Variants in ZNRF2 observed in about 807,000 individuals in gnomAD.
ZNRF2 encodes zinc and ring finger 2, also known as E3 ubiquitin-protein ligase ZNRF2.
A neutral mutation model predicts 20.4 loss-of-function variants in ZNRF2; 16 were observed. The ratio of observed to expected loss-of-function variants is 0.79; its 90% CI spans 0.53 to 1.19. The LOEUF (loss-of-function observed/expected upper bound fraction) is 1.19. Among genes scored for constraint, ZNRF2 ranks in the 50% most tolerant of loss-of-function variants. ZNRF2 has a pLI of 0.00. For missense variants in ZNRF2, 363 were observed against 332.4 expected (o/e 1.09, Z -0.72); for synonymous variants, 178 against 144.9 (o/e 1.23, Z -1.64).
At chr7:30,343,041 A>G (rs759176763) in intron 2 of ZNRF2, among the ~76,000 whole-genome samples, 1 of 152,086 alleles carries the variant, frequency 6.6e-6, no homozygotes, top group Non-Finnish European at 1.5e-5. Context: ...TTTCCTATTC[A>G]TGTGTAATTT....
Position 30,284,966 on chromosome 7 carries a change from C to CGGTGCCGAGATCGGG in ZNRF2, c.-389_-375dup, listed in dbSNP as rs1798744768. 3.2e-6 allele frequency: 1 copy of CGGTGCCGAGATCGGG among 311,146 alleles called. No individual in the cohort carries two copies. The highest frequency in any genetic ancestry group is 6.4e-6 in the Non-Finnish European group (1 of 156,074). The allele number at this position is 311,146 out of a possible 1,614,324, so 19.3% of individuals were successfully genotyped here. A position where few individuals can be genotyped will look rare whatever the true frequency, so the allele number is the denominator to read the frequency against. On this transcript the variant is annotated 5_prime_UTR_variant, in exon 1 of 5. Coordinates refer to ENST00000323037, the MANE Select transcript of ZNRF2 (RefSeq NM_147128.4). The stretch of plus-strand genomic sequence containing the variant: ...GTAGCAGCGGCCGCCCGAGAGGAGG[C>CGGTGCCGAGATCGGG]GGTGCCGAGATCGGGGGCGCCGAGC...
intron 1 of ZNRF2, among the ~76,000 whole-genome samples, chr7:30,321,848 T>C (rs966742456): frequency 1.3e-5 from 2 of 152,202 alleles, no homozygotes; most frequent in African/African-American, 4.8e-5. Context: ...GTATTCGATG[T>C]AGCCTGTGTT....
At chr7:30,309,842 A>G (rs751270856) in intron 1 of ZNRF2, among the ~76,000 whole-genome samples, 12 of 152,226 alleles carry the variant, frequency 7.9e-5, no homozygotes, top group Admixed American at 2.6e-4. Flanking sequence ...AATTTATTAA[A>G]AATTTGTAAA....
intron 2 of ZNRF2, among the ~76,000 whole-genome samples, chr7:30,337,583 G>A (rs1164164979): frequency 6.6e-6 from 1 of 151,996 alleles, no homozygotes; most frequent in African/African-American, 2.4e-5. Context: ...TCTTTTCTCT[G>A]GAGTTGACAT....
At chr7:30,364,621 C>T (rs930222643) in intron 4 of ZNRF2, among the ~76,000 whole-genome samples, 4 of 152,032 alleles carry the variant, frequency 2.6e-5, no homozygotes, top group Non-Finnish European at 5.9e-5. Context: ...TTCATTGTCA[C>T]CTTATGTTTG....
chr7:30,343,197 C>T (rs754440978), intron 2 of ZNRF2, among the ~76,000 whole-genome samples: 4 of 151,926 alleles, frequency 2.6e-5, no homozygotes, highest in African/African-American at 4.8e-5. Flanking sequence ...TGCCAATAGT[C>T]GCAGCTACTG....
intron 1 of ZNRF2, among the ~76,000 whole-genome samples, chr7:30,297,825 G>T (rs2391849): frequency 2.7e-5 from 4 of 149,822 alleles, no homozygotes; most frequent in Admixed American, 1.3e-4. Context: ...TTCAATTTTT[G>T]TATGTCTTTG....
intron 2 of ZNRF2, among the ~76,000 whole-genome samples, chr7:30,334,327 G>A (rs1188977691): frequency 6.6e-6 from 1 of 152,006 alleles, no homozygotes; most frequent in Non-Finnish European, 1.5e-5. Context: ...TATTTCAGAG[G>A]TCTCTAGTCT....
intron 2 of ZNRF2, among the ~76,000 whole-genome samples, chr7:30,344,898 A>C (rs978644051): frequency 6.6e-6 from 1 of 152,144 alleles, no homozygotes; most frequent in African/African-American, 2.4e-5. Flanking sequence ...AGGACATTTT[A>C]AGCATTCTTC....
chr7:30,288,303 T>C (rs1003098637), intron 1 of ZNRF2, among the ~76,000 whole-genome samples: 3 of 152,218 alleles, frequency 2.0e-5, no homozygotes, highest in African/African-American at 7.2e-5. Flanking sequence ...ATTTCAGAAT[T>C]AGTGGAAAGT....
chr7:30,364,467 A>G (rs1386865061), intron 4 of ZNRF2, among the ~76,000 whole-genome samples: 1 of 152,164 alleles, frequency 6.6e-6, no homozygotes, highest in Non-Finnish European at 1.5e-5. Flanking sequence ...TGGGTGACTT[A>G]GCAAGTCCCT....
chr7:30,304,317 A>G (rs1347076460), intron 1 of ZNRF2, among the ~76,000 whole-genome samples: 1 of 152,208 alleles, frequency 6.6e-6, no homozygotes, highest in Non-Finnish European at 1.5e-5. Flanking sequence ...TTCCAGGACT[A>G]GCATTCCCTA....
At chr7:30,365,625 GATTC>G (rs1352878879) in intron 4 of ZNRF2, among the ~76,000 whole-genome samples, 1 of 152,140 alleles carries the variant, frequency 6.6e-6, no homozygotes, top group Non-Finnish European at 1.5e-5. Flanking sequence ...GTTTGAGGAG[GATTC>G]AGTGTTGTTA....
At chr7:30,310,588 A>C (rs1224260953) in intron 1 of ZNRF2, among the ~76,000 whole-genome samples, 1 of 152,206 alleles carries the variant, frequency 6.6e-6, no homozygotes, top group African/African-American at 2.4e-5. Context: ...TTCACATGCC[A>C]TAGCATTTTC....
intron 2 of ZNRF2, among the ~76,000 whole-genome samples, chr7:30,334,937 A>C (rs1482505060): frequency 6.6e-6 from 1 of 152,210 alleles, no homozygotes; most frequent in African/African-American, 2.4e-5. Context: ...GTCTGTATAG[A>C]AATAGAAATG....
At position 30,285,821 on chromosome 7, in the gene ZNRF2, T is replaced by C; in HGVS notation, c.464T>C (p.Phe155Ser). ...CCAGCTCACCTCTCGCCGCACATGT[T>C]TGGAGGTACGGACCCCTCTCCGCGC... Reference protein sequence around the residue: ...SLPAHLSPHMFGGFKCPVCSK... With the variant: ...SLPAHLSPHMSGGFKCPVCSK... The change falls in exon 1 of 5, where the codon TTT becomes TCT. Residue 155 changes from phenylalanine to serine, a missense_variant. Around this residue, in one of 2 missense-constraint regions of ZNRF2, gnomAD observed 302 missense variants for 231.5 expected, o/e 1.30. Coordinates refer to ENST00000323037, the MANE Select transcript of ZNRF2 (RefSeq NM_147128.4). 3 of 1,517,400 alleles carry C rather than the reference T, an allele frequency of 2.0e-6. No homozygotes were observed. The highest frequency in any genetic ancestry group is 2.6e-6 in the Non-Finnish European group (3 of 1,141,358). The allele number at this position is 1,517,400 out of a possible 1,614,324, so 94.0% of individuals were successfully genotyped here. A position where few individuals can be genotyped will look rare whatever the true frequency, so the allele number is the denominator to read the frequency against.
intron 1 of ZNRF2, among the ~76,000 whole-genome samples, chr7:30,310,894 C>T (rs1427021828): frequency 3.3e-5 from 5 of 152,106 alleles, no homozygotes; most frequent in African/African-American, 1.2e-4. Flanking sequence ...CTTGTCCTGT[C>T]CTGTGGAACA....
At chr7:30,348,859 A>G (rs1424926951) in intron 2 of ZNRF2, among the ~76,000 whole-genome samples, 1 of 152,218 alleles carries the variant, frequency 6.6e-6, no homozygotes, top group Non-Finnish European at 1.5e-5. Context: ...CCTGCTAATT[A>G]TCTCATAGCC....
At chr7:30,327,888 A>T (rs1323757495) in intron 2 of ZNRF2, among the ~76,000 whole-genome samples, 1 of 152,084 alleles carries the variant, frequency 6.6e-6, no homozygotes, top group Non-Finnish European at 1.5e-5. Flanking sequence ...TTTTGTAGAG[A>T]TAAAAAATTC....
Sources: gnomAD v4.1 joint callset for allele counts (sites outside exome capture counted in the v4.1 genomes callset) on GRCh38, gnomAD v4.1.1 for gene constraint, gnomAD v4.1.1 regional missense constraint, MANE v1.5 for transcripts, NCBI Gene and HGNC (gene_info 2026-07-23, HGNC 2026-07-21) for gene names.